Variants in PTPRN2 observed in about 807,000 individuals in gnomAD.
PTPRN2 encodes the protein receptor-type tyrosine-protein phosphatase N2.
A neutral mutation model predicts 118.8 loss-of-function variants in PTPRN2; 74 were observed. That is an observed-to-expected ratio of 0.62 (90% CI 0.52 to 0.76). The LOEUF is 0.76. Among genes scored for constraint, PTPRN2 ranks in the 30% least tolerant of loss-of-function variants. PTPRN2 has a pLI of 0.00. For missense variants in PTPRN2, 1,481 were observed against 1,394.4 expected, an observed-to-expected ratio of 1.06 and a Z score of -0.99; for synonymous variants, 641 against 608.0, an observed-to-expected ratio of 1.05 and a Z score of -0.80.
At chr7:157,600,765 T>TA (rs1801624812) in intron 16 of PTPRN2, among the ~76,000 whole-genome samples, 1 of 152,208 alleles carries the variant, frequency 6.6e-6, no homozygotes, top group African/African-American at 2.4e-5. Context: ...GGAGTTGAGA[T>TA]TTACTTAAGT....
At chr7:158,032,451 C>T (rs1807755494) in intron 11 of PTPRN2, among the ~76,000 whole-genome samples, 1 of 151,862 alleles carries the variant, frequency 6.6e-6, no homozygotes, top group Admixed American at 6.6e-5. Flanking sequence ...AGGGCAAAGG[C>T]AAACAAAATG....
chr7:158,545,126 G>A (rs1206879271), intron 1 of PTPRN2, among the ~76,000 whole-genome samples: 1 of 152,292 alleles, frequency 6.6e-6, no homozygotes, highest in South Asian at 2.1e-4. Flanking sequence ...AACATCCACC[G>A]GGTTTTTCTG....
At chr7:158,020,219 C>T (rs1418814963) in intron 11 of PTPRN2, among the ~76,000 whole-genome samples, 2 of 152,194 alleles carry the variant, frequency 1.3e-5, no homozygotes, top group Admixed American at 6.5e-5. Flanking sequence ...TGAGTTACAC[C>T]TGTGCTTCTC....
In PTPRN2 at chr7:158,517,912, C is replaced by G. The variant is rs974241498; in HGVS notation, c.113-28127G>C. ...AAACCTTCCCTCCCCCCCAGTCTGA[C>G]TAGAGTCCACTCATTTTTCAGGTAC... On this transcript the variant is annotated intron_variant, in intron 1 of 22. Transcript: ENST00000389418. This position sits in a 1 kb window ranked among gnomAD's most constrained non-coding sequence, Gnocchi z 5.3. Among the ~76,000 whole-genome samples the G allele has an allele frequency of 2.6e-5, 4 of 152,224 alleles. No individual in the cohort carries two copies. The highest frequency in any genetic ancestry group is 2.6e-4 in the Admixed American group (4 of 15,284).
intron 12 of PTPRN2, among the ~76,000 whole-genome samples, chr7:157,867,455 T>C (rs375229933): frequency 3.6e-4 from 21 of 59,022 alleles, no homozygotes; most frequent in Admixed American, 6.6e-4. Flanking sequence ...CCCCTGACGC[T>C]CTGGATACAG....
chr7:158,071,384 C>CGTGGTGGTGGAGGTGCCCATG, intron 11 of PTPRN2, among the ~76,000 whole-genome samples: 1 of 27,966 alleles, frequency 3.6e-5, no homozygotes. Context: ...TGGAGGTGCT[C>CGTGGTGGTGGAGGTGCCCATG]GTGGTGGAGG....
intron 12 of PTPRN2, among the ~76,000 whole-genome samples, chr7:157,749,175 T>C (rs10251151): frequency 4.3e-4 from 12 of 27,992 alleles, no homozygotes; most frequent in Non-Finnish European, 5.8e-4. Flanking sequence ...CTGAGGCCTG[T>C]GTCCCTGAGC....
chr7:158,368,993 C>A (rs1415156828), intron 2 of PTPRN2, among the ~76,000 whole-genome samples: 1 of 152,106 alleles, frequency 6.6e-6, no homozygotes, highest in Non-Finnish European at 1.5e-5. Flanking sequence ...CTGGGAGGGG[C>A]AGACCCACCC....
chr7:157,856,171 T>C (rs1407586064), intron 12 of PTPRN2: 4 of 152,242 alleles, frequency 2.6e-5, no homozygotes, highest in African/African-American at 9.6e-5. Context: ...TTTCAGTATA[T>C]GTTCAACCCA....
Position 157,763,051 on chromosome 7 carries a change from C to T in PTPRN2, c.1789-80114G>A, listed in dbSNP as rs943911676. ...ACTCACAGTCGGTCACAGGGCTAAC[C>T]CTCCATCAGAGCCCACGGCCGCCCA... On this transcript the variant is annotated intron_variant, in intron 12 of 22. Transcript: ENST00000389418. This position sits in a 1 kb window ranked among gnomAD's most constrained non-coding sequence, Gnocchi z 4.9. Among the ~76,000 whole-genome samples the T allele has an allele frequency of 6.6e-6, 1 of 151,842 alleles. No homozygotes were observed. Among genetic ancestry groups the T allele is most frequent in the Non-Finnish European group, 1.5e-5 (1 of 67,952 alleles).
rs111779299 is a variant in PTPRN2, at chr7:157,787,221, A to T, written c.1789-104284T>A. ...GCTCTTCTGGAAGCAATTCGTGGGA[A>T]ACCCACTTGGATGCCACTTATGACC... On this transcript the variant is annotated intron_variant, in intron 12 of 22. Transcript: ENST00000389418. This position sits in a 1 kb window ranked among gnomAD's most constrained non-coding sequence, Gnocchi z 5.3. Among the ~76,000 whole-genome samples the T allele has an allele frequency of 6.7e-6, 1 of 150,154 alleles. No homozygotes were observed. The highest frequency in any genetic ancestry group is 1.5e-5 in the Non-Finnish European group (1 of 67,690).
chr7:157,648,562 G>C (rs1805314811), intron 14 of PTPRN2, among the ~76,000 whole-genome samples: 1 of 129,638 alleles, frequency 7.7e-6, no homozygotes, highest in Non-Finnish European at 1.6e-5. Flanking sequence ...GAACTCGGTG[G>C]GTCAGACCCA....
intron 12 of PTPRN2, among the ~76,000 whole-genome samples, chr7:157,850,498 A>G (rs1809198654): frequency 6.6e-6 from 1 of 152,234 alleles, no homozygotes; most frequent in South Asian, 2.1e-4. Flanking sequence ...TGCACCACAG[A>G]CTACATATTC....
chr7:158,251,755 A>C (rs935877556), intron 3 of PTPRN2, among the ~76,000 whole-genome samples: 2 of 151,864 alleles, frequency 1.3e-5, no homozygotes, highest in South Asian at 2.1e-4. Flanking sequence ...CAATGGATGT[A>C]TATGGTGCAC....
At chr7:157,710,503 A>G (rs1349421726) in intron 12 of PTPRN2, among the ~76,000 whole-genome samples, 2 of 107,484 alleles carry the variant, frequency 1.9e-5, no homozygotes, top group Non-Finnish European at 3.5e-5. Context: ...CCCGTGGCAC[A>G]GGATGTTTCC....
chr7:157,663,148 C>T (rs548052406), intron 13 of PTPRN2, among the ~76,000 whole-genome samples: 2 of 152,224 alleles, frequency 1.3e-5, no homozygotes, highest in South Asian at 4.1e-4. Flanking sequence ...ATAACCCAGG[C>T]TGGGAAGAAG....
chr7:158,357,911 G>A (rs1469214151), intron 2 of PTPRN2, among the ~76,000 whole-genome samples: 1 of 152,244 alleles, frequency 6.6e-6, no homozygotes. Flanking sequence ...CAAGCCAAGG[G>A]CAAAGTAGGG....
At chr7:158,407,851 G>A (rs1813723302) in intron 2 of PTPRN2, among the ~76,000 whole-genome samples, 1 of 152,228 alleles carries the variant, frequency 6.6e-6, no homozygotes. Context: ...TGAGTTCATG[G>A]CGTGATTAGC....
At position 157,659,419 on chromosome 7, in the gene PTPRN2, C is replaced by T. The variant is rs1223538915; in HGVS notation, c.2002-2868G>A. Among the ~76,000 whole-genome samples the T allele has an allele frequency of 6.1e-3, 487 of 80,228 alleles. 9 individuals carry two copies. The highest frequency in any genetic ancestry group is 0.023 in the African/African-American group (455 of 19,742). The allele number at this position is 80,228 out of a possible 152,430, so 52.6% of individuals were successfully genotyped here. A position where few individuals can be genotyped will look rare whatever the true frequency, so the allele number is the denominator to read the frequency against. On this transcript the variant is annotated intron_variant, in intron 13 of 22. Coordinates refer to ENST00000389418, the MANE Select transcript of PTPRN2 (RefSeq NM_002847.5). ...GGGGGGGATGGCTGGGGGGACTGGG[C>T]GGGAGGTGGATAGCCGCAGGGACAG...
Sources: gnomAD v4.1 joint callset for allele counts (sites outside exome capture counted in the v4.1 genomes callset) on GRCh38, gnomAD v4.1.1 for gene constraint, Gnocchi (gnomAD v3.1) non-coding constraint, MANE v1.5 for transcripts, NCBI Gene and HGNC (gene_info 2026-07-23, HGNC 2026-07-21) for gene names.